Variants in GPHN observed in about 807,000 individuals in gnomAD.
The protein encoded by GPHN is gephyrin.
In GPHN, 17 loss-of-function variants were observed where a neutral mutation model predicts 95.5. The ratio of observed to expected loss-of-function variants is 0.18; its 90% CI spans 0.12 to 0.27. The LOEUF is 0.27. Ranked by LOEUF, GPHN falls within the 10% of genes least tolerant of loss-of-function variation. The pLI is 1.00. For missense variants in GPHN, 660 were observed against 978.1 expected, an observed-to-expected ratio of 0.67 and a Z score of 4.34; for synonymous variants, 320 against 322.5, an observed-to-expected ratio of 0.99 and a Z score of 0.08.
chr14:66,896,751 ATTAATGAGGAAAATAC>A (rs930156531), intron 5 of GPHN, among the ~76,000 whole-genome samples: 5 of 152,150 alleles, frequency 3.3e-5, no homozygotes, highest in African/African-American at 9.7e-5. Flanking sequence ...GAGGGAAGAA[ATTAATGAGGAAAATAC>A]TTAAAGTAAG....
chr14:67,537,645 A>G, the GPHN span, among the ~76,000 whole-genome samples: 1 of 152,180 alleles, frequency 6.6e-6, no homozygotes, highest in Non-Finnish European at 1.5e-5. Flanking sequence ...AGCCTGGGCA[A>G]CAGAGTGAGA....
intron 10 of GPHN, among the ~76,000 whole-genome samples, chr14:67,050,026 A>G (rs1319331638): frequency 3.9e-5 from 6 of 152,208 alleles, no homozygotes; most frequent in Admixed American, 1.3e-4. Flanking sequence ...AATTTGTTAT[A>G]TATCCAAAGG....
intron 3 of GPHN, among the ~76,000 whole-genome samples, chr14:66,822,124 G>A (rs1426922839): frequency 2.0e-5 from 3 of 152,062 alleles, no homozygotes; most frequent in African/African-American, 7.2e-5. Flanking sequence ...GCCAATTTTT[G>A]TATTTTTAGT....
chr14:67,108,980 A>T (rs984177497), intron 13 of GPHN, among the ~76,000 whole-genome samples: 1 of 152,180 alleles, frequency 6.6e-6, no homozygotes, highest in Non-Finnish European at 1.5e-5. Context: ...TTGTCCGACC[A>T]TCATAGAGTG....
the GPHN span, chr14:67,620,197 A>C: frequency 1.4e-6 from 1 of 694,034 alleles, no homozygotes; most frequent in Non-Finnish European, 2.3e-6. Flanking sequence ...GATGGGGAGA[A>C]ATGGCGAGGG....
At chr14:67,114,758 C>T (rs910002657) in intron 16 of GPHN, among the ~76,000 whole-genome samples, 22 of 152,144 alleles carry the variant, frequency 1.4e-4, no homozygotes, top group Non-Finnish European at 3.2e-4. Flanking sequence ...TCTGTTTAAG[C>T]GATATTGCTT....
intron 9 of GPHN, 149 bp from the exon 10 acceptor site, chr14:67,023,484 T>A: frequency 1.6e-6 from 1 of 607,218 alleles, no homozygotes; most frequent in Non-Finnish European, 3.0e-6. Context: ...ATGAAACAAG[T>A]ATAACATTTT....
chr14:66,529,947 G>C (rs964539674), intron 1 of GPHN, among the ~76,000 whole-genome samples: 3 of 152,190 alleles, frequency 2.0e-5, no homozygotes, highest in South Asian at 4.1e-4. Context: ...ACTTGAGGCC[G>C]TCTGTCCCTT....
At chr14:67,626,281 A>G in the GPHN span, among the ~76,000 whole-genome samples, 1 of 152,074 alleles carries the variant, frequency 6.6e-6, no homozygotes, top group African/African-American at 2.4e-5. Context: ...ACAAAACTAC[A>G]ATGAAATACC....
chr14:67,657,285 G>GT, the GPHN span: 5 of 152,234 alleles, frequency 3.3e-5, no homozygotes, highest in South Asian at 8.3e-4. Context: ...TGGAAAAAAC[G>GT]TATGTGGTTA....
chr14:67,508,135 C>CAAAAAAAAAAAAAAAAAAAAAA, the GPHN span, among the ~76,000 whole-genome samples: 3 of 130,630 alleles, frequency 2.3e-5, no homozygotes, highest in African/African-American at 9.0e-5. Context: ...AACTCCATCT[C>CAAAAAAAAAAAAAAAAAAAAAA]AAAAAAAAAA....
intron 1 of GPHN, among the ~76,000 whole-genome samples, chr14:66,645,805 T>A (rs1255000775): frequency 6.6e-6 from 1 of 152,130 alleles, no homozygotes; most frequent in African/African-American, 2.4e-5. Flanking sequence ...GTGTCTCTCA[T>A]TAGATACTCA....
chr14:66,732,762 C>A (rs901334953), intron 2 of GPHN, among the ~76,000 whole-genome samples: 3 of 152,132 alleles, frequency 2.0e-5, no homozygotes, highest in Non-Finnish European at 2.9e-5. Flanking sequence ...TGATCCACCC[C>A]CCTCGGCCTC....
intron 5 of GPHN, among the ~76,000 whole-genome samples, chr14:66,881,286 A>G (rs960922063): frequency 1.3e-5 from 2 of 151,806 alleles, no homozygotes; most frequent in Non-Finnish European, 3.0e-5. Context: ...CCTTTAAGGA[A>G]CTCCAGTTGA....
At chr14:67,703,335 T>C in the GPHN span, among the ~76,000 whole-genome samples, 7 of 152,374 alleles carry the variant, frequency 4.6e-5, no homozygotes, top group African/African-American at 1.4e-4. Context: ...TAAAAATCTT[T>C]TATCCTTTTA....
chr14:67,379,811 C>T, the GPHN span, among the ~76,000 whole-genome samples: 1 of 150,660 alleles, frequency 6.6e-6, no homozygotes, highest in Non-Finnish European at 1.5e-5. Flanking sequence ...CCCGCCACTA[C>T]GCCCGGCTAA....
At chr14:67,199,380 T>C in the GPHN span, 1 of 1,614,012 alleles carries the variant, frequency 6.2e-7, no homozygotes, top group African/African-American at 1.3e-5. Flanking sequence ...AATGGGAACC[T>C]GGACCCTGAG....
chr14:67,513,747 G>A, the GPHN span, among the ~76,000 whole-genome samples: 2 of 152,164 alleles, frequency 1.3e-5, no homozygotes, highest in African/African-American at 4.8e-5. Context: ...AGTGCCTTCT[G>A]TCTCACAGGG....
At chr14:67,165,044 G>A (rs1042172036) in intron 19 of GPHN, 118 bp from the exon 20 acceptor site, 2 of 727,682 alleles carry the variant, frequency 2.7e-6, no homozygotes, top group Non-Finnish European at 4.9e-6. Context: ...GTAAAGGCAA[G>A]TCAACAGAAA....
Sources: gnomAD v4.1 joint callset for allele counts (sites outside exome capture counted in the v4.1 genomes callset) on GRCh38, gnomAD v4.1.1 for gene constraint, MANE v1.5 for transcripts, NCBI Gene and HGNC (gene_info 2026-07-23, HGNC 2026-07-21) for gene names.